Variants in PTPRM observed in about 807,000 individuals in gnomAD.
The protein encoded by PTPRM is receptor-type tyrosine-protein phosphatase mu.
A neutral mutation model predicts 186.7 loss-of-function variants in PTPRM; 47 were observed. That is an observed-to-expected ratio of 0.25 (90% CI 0.20 to 0.32). PTPRM has a LOEUF of 0.32. Ranked by LOEUF, PTPRM falls within the 10% of genes least tolerant of loss-of-function variation. The probability of loss-of-function intolerance (pLI) is 1.00; values close to 1 mark genes in which losing one functional copy is unlikely to be tolerated. For missense variants in PTPRM, 1,494 were observed against 1,865.0 expected (o/e 0.80, Z 3.66); for synonymous variants, 668 against 674.9 (o/e 0.99, Z 0.16).
chr18:8,200,908 T>C (rs1374896444), intron 14 of PTPRM, among the ~76,000 whole-genome samples: 1 of 152,180 alleles, frequency 6.6e-6, no homozygotes, highest in Non-Finnish European at 1.5e-5. Context: ...AATACATAAA[T>C]TATAATGTTC....
chr18:8,086,816 T>C (rs2090457020), intron 10 of PTPRM, among the ~76,000 whole-genome samples: 2 of 152,314 alleles, frequency 1.3e-5, no homozygotes, highest in South Asian at 2.1e-4. Context: ...AATTTTCTTT[T>C]TAAGCAATTA....
At position 7,707,498 on chromosome 18, in the gene PTPRM, G is replaced by A. The variant is rs73391517; in HGVS notation, c.74-66651G>A. 8.6e-3 allele frequency among the ~76,000 whole-genome samples: 1,301 copies of A among 152,004 alleles called. 19 individuals are homozygous for A. Among genetic ancestry groups the A allele is most frequent in the African/African-American group, 0.029 (1,217 of 41,420 alleles). On this transcript the variant is annotated intron_variant, in intron 1 of 32. Coordinates refer to ENST00000580170, the MANE Select transcript of PTPRM (RefSeq NM_001105244.2). Reference sequence around the variant, plus strand: ...TAATAATAATAATAAAATTAGCTGCGTGTAGTGGTGCATGCCTGTCATTCC... The same window carrying A: ...TAATAATAATAATAAAATTAGCTGCATGTAGTGGTGCATGCCTGTCATTCC...
chr18:8,048,335 C>G (rs1422196386), intron 7 of PTPRM, among the ~76,000 whole-genome samples: 2 of 151,258 alleles, frequency 1.3e-5, no homozygotes, highest in African/African-American at 4.9e-5. Context: ...CAAGTTAGAA[C>G]CTGTATTTTC....
At chr18:8,080,124 G>A (rs193185872) in intron 9 of PTPRM, among the ~76,000 whole-genome samples, 1 of 152,034 alleles carries the variant, frequency 6.6e-6, no homozygotes, top group East Asian at 1.9e-4. Context: ...GGAGAAATGT[G>A]TACATGCATA....
At chr18:7,691,661 C>T (rs1028887897) in intron 1 of PTPRM, among the ~76,000 whole-genome samples, 1 of 152,162 alleles carries the variant, frequency 6.6e-6, no homozygotes. Context: ...AATCCCAGCA[C>T]TTTGGTACTT....
intron 7 of PTPRM, among the ~76,000 whole-genome samples, chr18:8,011,374 C>T (rs899393765): frequency 1.3e-5 from 2 of 152,180 alleles, no homozygotes; most frequent in Non-Finnish European, 2.9e-5. Flanking sequence ...CTGATGGGCA[C>T]ACTTTCTGAT....
intron 2 of PTPRM, among the ~76,000 whole-genome samples, chr18:7,841,563 G>A (rs2046327946): frequency 6.6e-6 from 1 of 152,002 alleles, no homozygotes; most frequent in Admixed American, 6.6e-5. Flanking sequence ...CAAAGTGCTG[G>A]GATTACAGGC....
chr18:7,896,848 T>C (rs931123239), intron 3 of PTPRM, among the ~76,000 whole-genome samples: 4 of 152,152 alleles, frequency 2.6e-5, no homozygotes, highest in African/African-American at 9.7e-5. Context: ...GTTGAGGGAA[T>C]AGGGATGACT....
intron 11 of PTPRM, among the ~76,000 whole-genome samples, chr18:8,107,244 C>T (rs975163275): frequency 3.9e-5 from 6 of 152,162 alleles, no homozygotes; most frequent in African/African-American, 1.4e-4. Context: ...GGAGACATCA[C>T]CCTTAAAGAT....
chr18:8,128,512 A>G (rs1396904778), intron 13 of PTPRM, among the ~76,000 whole-genome samples: 1 of 152,174 alleles, frequency 6.6e-6, no homozygotes, highest in East Asian at 1.9e-4. Context: ...TTCTTTCTGC[A>G]ATACCAGCTG....
At chr18:7,959,937 A>G (rs1363181396) in intron 7 of PTPRM, among the ~76,000 whole-genome samples, 1 of 152,242 alleles carries the variant, frequency 6.6e-6, no homozygotes, top group African/African-American at 2.4e-5. Flanking sequence ...TTCAGCATCC[A>G]GTTAAACAAA....
intron 6 of PTPRM, among the ~76,000 whole-genome samples, chr18:7,950,561 C>A (rs2052875300): frequency 1.3e-5 from 2 of 152,092 alleles, no homozygotes; most frequent in African/African-American, 4.8e-5. Context: ...GCTGCTGTTT[C>A]CTTGTGTGTA....
chr18:7,910,461 A>G (rs1011089649), intron 4 of PTPRM, among the ~76,000 whole-genome samples: 3 of 152,244 alleles, frequency 2.0e-5, no homozygotes, highest in African/African-American at 7.2e-5. Context: ...CAAGATCCCC[A>G]TGACTGAATT....
intron 13 of PTPRM, among the ~76,000 whole-genome samples, chr18:8,126,964 T>G (rs2092382629): frequency 6.6e-6 from 1 of 152,100 alleles, no homozygotes; most frequent in Non-Finnish European, 1.5e-5. Flanking sequence ...ACTGTGACCG[T>G]GTACCTTACA....
intron 19 of PTPRM, among the ~76,000 whole-genome samples, chr18:8,286,577 A>G (rs974524730): frequency 1.3e-5 from 2 of 152,360 alleles, no homozygotes; most frequent in East Asian, 1.9e-4. Context: ...GAGTATTCAC[A>G]TTCTTCAGTA....
intron 22 of PTPRM, among the ~76,000 whole-genome samples, chr18:8,331,255 G>C (rs1429650193): frequency 6.6e-6 from 1 of 152,196 alleles, no homozygotes; most frequent in East Asian, 1.9e-4. Context: ...TTCCAGAAAT[G>C]CTTTGGAACA....
At chr18:8,021,184 G>T (rs1392872151) in intron 7 of PTPRM, among the ~76,000 whole-genome samples, 1 of 152,142 alleles carries the variant, frequency 6.6e-6, no homozygotes, top group East Asian at 1.9e-4. Context: ...TTGGCGACAA[G>T]CCTTTCTGAG....
intron 14 of PTPRM, among the ~76,000 whole-genome samples, chr18:8,197,933 A>C (rs755865771): frequency 1.1e-4 from 17 of 152,160 alleles, no homozygotes; most frequent in Non-Finnish European, 2.4e-4. Context: ...TCATTCCAGG[A>C]ATCCCAGCCT....
At chr18:8,210,090 C>A (rs564353297) in intron 14 of PTPRM, among the ~76,000 whole-genome samples, 26 of 150,182 alleles carry the variant, frequency 1.7e-4, no homozygotes, top group African/African-American at 6.1e-4. Flanking sequence ...GGTGGCAGAT[C>A]GCTTGAGGCC....
Sources: allele counts gnomAD v4.1 joint callset (sites outside exome capture counted in the v4.1 genomes callset), GRCh38; gene constraint gnomAD v4.1.1; transcripts MANE v1.5; gene names NCBI Gene and HGNC (gene_info 2026-07-23, HGNC 2026-07-21).